Variants in PCDHGA2 observed in about 807,000 individuals in gnomAD.
PCDHGA2 encodes the protein protocadherin gamma subfamily A, 2.
A neutral mutation model predicts 59.2 loss-of-function variants in PCDHGA2; 40 were observed. The observed-to-expected ratio is 0.68, with a 90% CI of 0.52 to 0.88. PCDHGA2 has a LOEUF of 0.88. PCDHGA2 is among the 40% of genes least tolerant of loss of function. PCDHGA2 has a pLI of 0.00. For missense variants in PCDHGA2, 1,226 were observed against 1,204.0 expected, an observed-to-expected ratio of 1.02 and a Z score of -0.27; for synonymous variants, 560 against 526.0, an observed-to-expected ratio of 1.06 and a Z score of -0.89.
intron 1 of PCDHGA2, chr5:141,357,777 C>G: frequency 1.1e-6 from 1 of 905,134 alleles, no homozygotes; most frequent in Non-Finnish European, 1.6e-6. Context: ...CAATAATGAT[C>G]AACAGTATTT....
chr5:141,490,033 A>C lies in PCDHGA2; in HGVS notation c.2425-4774A>C, dbSNP rs200482631. The C allele has an allele frequency of 4.0e-5, 65 of 1,614,116 alleles. No homozygotes were observed. Among genetic ancestry groups the C allele is most frequent in the Non-Finnish European group, 4.1e-5 (48 of 1,180,040 alleles). On this transcript the variant is annotated intron_variant, in intron 1 of 3. Transcript: ENST00000394576. This position sits in a 1 kb window ranked among gnomAD's most constrained non-coding sequence, Gnocchi z 5.4. ...CATTGGTACTCTGCTGCTCCGCCTC[A>C]ATGCCACTGATCCAGACGAGGGCAC...
chr5:141,366,803 T>C, intron 1 of PCDHGA2: 1 of 1,562,322 alleles, frequency 6.4e-7, no homozygotes. Context: ...TTTGTTTCCT[T>C]TTTCATGTTT....
At position 141,485,336 on chromosome 5, in the gene PCDHGA2, G is replaced by A. The variant is rs755039880; in HGVS notation, c.2425-9471G>A. Reference sequence around the variant, plus strand: ...GAATGTCGCTCAAGATTTCCTGCTGGATACGGACAGTCTGTCAGCTCGCAG... The same window carrying A: ...GAATGTCGCTCAAGATTTCCTGCTGAATACGGACAGTCTGTCAGCTCGCAG... On this transcript the variant is annotated intron_variant, in intron 1 of 3. Transcript: ENST00000394576. The surrounding 1 kb of genome is among the most constrained non-coding windows in gnomAD (Gnocchi z 5.7). 3 of 1,614,176 alleles carry A rather than the reference G, an allele frequency of 1.9e-6. No homozygotes were observed. In the South Asian group the frequency reaches 3.3e-5, roughly 18 times the overall value.
chr5:141,364,326 A>G, intron 1 of PCDHGA2: 1 of 1,528,198 alleles, frequency 6.5e-7, no homozygotes, highest in Non-Finnish European at 8.8e-7. Context: ...GGCAGAGAGA[A>G]GGCAATGGCG....
chr5:141,382,728 C>T, intron 1 of PCDHGA2: 1 of 545,686 alleles, frequency 1.8e-6, no homozygotes. Context: ...AGTTTTACAG[C>T]ACAGAGAAAC....
intron 1 of PCDHGA2, chr5:141,423,640 T>C: frequency 6.3e-7 from 1 of 1,597,848 alleles, no homozygotes; most frequent in Non-Finnish European, 8.5e-7. Flanking sequence ...TTTAGGCAAA[T>C]GTGACCCGAC....
intron 2 of PCDHGA2, among the ~76,000 whole-genome samples, chr5:141,500,587 C>T (rs1418158417): frequency 6.6e-5 from 10 of 152,170 alleles, no homozygotes; most frequent in South Asian, 2.1e-4. Flanking sequence ...ACACTTTATT[C>T]ACATATTAAG....
rs1348646863 is a variant in PCDHGA2 at position 141,356,379 on chromosome 5, A to T, written c.2424+14984A>T. The T allele has an allele frequency of 9.6e-6, 15 of 1,565,488 alleles. No individual in the cohort carries two copies. In the East Asian group the frequency reaches 3.6e-4, roughly 37 times the overall value. ...CTATTCCAGATAATCTGCCATTCAC[A>T]CTTGAAAAGACCTATGGAAATTATT... On this transcript the variant is annotated intron_variant, in intron 1 of 3. Transcript: ENST00000394576.
In PCDHGA2 at chr5:141,491,996, G is replaced by T; in HGVS notation, c.2425-2811G>T. ...TCCTTCGAGCTTCCGGTGAATTTCG[G>T]GCGATTTCCGCGGGTGTCGGGGGTC... is the stretch of plus-strand genomic sequence containing the variant. On this transcript the variant is annotated intron_variant, in intron 1 of 3. Coordinates refer to ENST00000394576, the MANE Select transcript of PCDHGA2 (RefSeq NM_018915.4). This position sits in a 1 kb window ranked among gnomAD's most constrained non-coding sequence, Gnocchi z 6.9. The T allele has an allele frequency of 2.9e-6, 2 of 686,328 alleles. No individual in the cohort carries two copies. Among genetic ancestry groups the T allele is most frequent in the Non-Finnish European group, 4.5e-6 (2 of 441,080 alleles). 42.5% of individuals were successfully genotyped at this position (686,328 alleles called of 1,614,324 possible). A position where few individuals can be genotyped will look rare whatever the true frequency, so the allele number is the denominator to read the frequency against.
At chr5:141,372,238 G>C in intron 1 of PCDHGA2, 4 of 1,613,300 alleles carry the variant, frequency 2.5e-6, no homozygotes, top group Non-Finnish European at 3.4e-6. Flanking sequence ...AGCGAGCCCG[G>C]GCTGTTCAGC....
At chr5:141,419,584 C>T in intron 1 of PCDHGA2, 1 of 1,611,798 alleles carries the variant, frequency 6.2e-7, no homozygotes, top group Non-Finnish European at 8.5e-7. Context: ...CCGCGCTCTT[C>T]GACACAGTGC....
intron 1 of PCDHGA2, chr5:141,430,973 A>G: frequency 6.2e-7 from 1 of 1,613,266 alleles, no homozygotes; most frequent in East Asian, 2.2e-5. Flanking sequence ...CAGAGGTAGG[A>G]CGCAGCTTTT....
chr5:141,438,601 T>C (rs2098005462), intron 1 of PCDHGA2, among the ~76,000 whole-genome samples: 6 of 26,284 alleles, frequency 2.3e-4, no homozygotes, highest in African/African-American at 1.3e-3. Flanking sequence ...CATATATATA[T>C]ATATATATAT....
chr5:141,356,876 T>A, intron 1 of PCDHGA2: 1 of 1,614,184 alleles, frequency 6.2e-7, no homozygotes, highest in Non-Finnish European at 8.5e-7. Context: ...AACGACAATG[T>A]CCCTGAGATC....
chr5:141,441,162 G>A (rs1009205566), intron 1 of PCDHGA2: 48 of 152,166 alleles, frequency 3.2e-4, no homozygotes, highest in Admixed American at 1.5e-3. Flanking sequence ...TCCTAGAGGC[G>A]ATTTTTACTT....
At chr5:141,356,373 A>G (rs1377588447) in intron 1 of PCDHGA2, 22 of 1,562,508 alleles carry the variant, frequency 1.4e-5, no homozygotes, top group Non-Finnish European at 1.8e-5. Context: ...ATAATCTGCC[A>G]TTCACACTTG....
rs138087785 is a variant in PCDHGA2, at chr5:141,383,992, G to T, written c.2424+42597G>T. 9.8e-5 allele frequency: 158 copies of T among 1,613,878 alleles called. No homozygotes were observed. The East Asian group carries it at 3.5e-3, about 35-fold the overall frequency. On this transcript the variant is annotated intron_variant, in intron 1 of 3. Coordinates refer to ENST00000394576, the MANE Select transcript of PCDHGA2 (RefSeq NM_018915.4). Reference sequence around the variant, plus strand: ...CCCTGAAGACACACCTCTTGGGACAGTCATTGCTCTTTTCTACCTACAAGA... The same window carrying T: ...CCCTGAAGACACACCTCTTGGGACATTCATTGCTCTTTTCTACCTACAAGA...
chr5:141,476,137 G>A lies in PCDHGA2; in HGVS notation c.2425-18670G>A. The A allele has an allele frequency of 1.2e-6, 2 of 1,609,204 alleles. No homozygotes were observed. The highest frequency in any genetic ancestry group is 1.7e-6 in the Non-Finnish European group (2 of 1,178,592). On this transcript the variant is annotated intron_variant, in intron 1 of 3. Coordinates refer to ENST00000394576, the MANE Select transcript of PCDHGA2 (RefSeq NM_018915.4). The surrounding 1 kb of genome is among the most constrained non-coding windows in gnomAD (Gnocchi z 7.6). ...GTGAGATGGTCCCAGAGGCCTGGAGGAGCGGACTGGTAAGCACCGGGAGGG... is the reference window on the plus strand; with the variant it reads ...GTGAGATGGTCCCAGAGGCCTGGAGAAGCGGACTGGTAAGCACCGGGAGGG...
At chr5:141,403,350 TC>T in intron 1 of PCDHGA2, 2 of 1,613,994 alleles carry the variant, frequency 1.2e-6, no homozygotes, top group Non-Finnish European at 1.7e-6. Flanking sequence ...GCCCCAAAGT[TC>T]CAGGCCGAAA....
Sources: gnomAD v4.1 joint callset for allele counts (sites outside exome capture counted in the v4.1 genomes callset) on GRCh38, gnomAD v4.1.1 for gene constraint, Gnocchi (gnomAD v3.1) non-coding constraint, MANE v1.5 for transcripts, NCBI Gene and HGNC (gene_info 2026-07-23, HGNC 2026-07-21) for gene names.